The following DNAH9 variants were observed in gnomAD, a reference collection of about 807,000 sequenced individuals.
DNAH9 encodes DNAH9 variant protein.
In DNAH9, 345 loss-of-function variants were observed where a neutral mutation model predicts 471.6. The observed-to-expected ratio is 0.73, with a 90% CI of 0.67 to 0.80. DNAH9 has a LOEUF of 0.80. DNAH9 is among the 30% of genes least tolerant of loss of function. The pLI is 0.00. For missense variants in DNAH9, 5,407 were observed against 5,609.2 expected (o/e 0.96, Z 1.15); for synonymous variants, 2,093 against 2,123.6 (o/e 0.99, Z 0.40).
In DNAH9 at chr17:11,854,011, G is replaced by A; in HGVS notation, c.9516G>A (p.Leu3172=). ...TCCTTCTCTTTTCCCAGACCAACCT[G>A]ACAGAGCTGAAGTCATTTGGCTCTC... ...AALNTLNKTN[L]TELKSFGSPP... The change falls in exon 50 of 69, where the codon CTG becomes CTA. Residue 3172 remains leucine (L), a synonymous_variant. Coordinates refer to ENST00000262442, the MANE Select transcript of DNAH9 (RefSeq NM_001372.4). 1 of 1,613,428 alleles carries A rather than the reference G, an allele frequency of 6.2e-7. No individual in the cohort carries two copies. The highest frequency in any genetic ancestry group is 8.5e-7 in the Non-Finnish European group (1 of 1,179,538).
intron 28 of DNAH9, among the ~76,000 whole-genome samples, chr17:11,734,793 T>C (rs2075318887): frequency 6.6e-6 from 1 of 152,342 alleles, no homozygotes; most frequent in African/African-American, 2.4e-5. Flanking sequence ...AAAATTTCTA[T>C]GAGCACCGAT....
chr17:11,660,566 A>G (rs1597447184), intron 14 of DNAH9, among the ~76,000 whole-genome samples: 1 of 151,964 alleles, frequency 6.6e-6, no homozygotes, highest in African/African-American at 2.4e-5. Flanking sequence ...CAAATGATCC[A>G]CCTGCCTTGA....
chr17:11,675,762 T>G (rs1213035447), intron 17 of DNAH9, among the ~76,000 whole-genome samples: 1 of 152,222 alleles, frequency 6.6e-6, no homozygotes, highest in African/African-American at 2.4e-5. Context: ...TAAAACAACC[T>G]AGCATCTGAG....
chr17:11,688,986 C>G (rs977217061), intron 19 of DNAH9, among the ~76,000 whole-genome samples: 1 of 151,946 alleles, frequency 6.6e-6, no homozygotes, highest in African/African-American at 2.4e-5. Flanking sequence ...TTCCCAGCTA[C>G]TTGGGAGGCT....
At chr17:11,798,433 A>G (rs1969331512) in intron 43 of DNAH9, among the ~76,000 whole-genome samples, 1 of 32,432 alleles carries the variant, frequency 3.1e-5, no homozygotes, top group Non-Finnish European at 7.3e-5. Flanking sequence ...ACTCTGCCTC[A>G]AAAAAAAAAA....
intron 45 of DNAH9, among the ~76,000 whole-genome samples, chr17:11,810,606 G>T (rs2150927891): frequency 6.6e-6 from 1 of 152,256 alleles, no homozygotes; most frequent in South Asian, 2.1e-4. Context: ...AGCTCTCTTA[G>T]TGGGACTAGA....
chr17:11,826,652 CG>C (rs2150946037), intron 48 of DNAH9, among the ~76,000 whole-genome samples: 1 of 148,890 alleles, frequency 6.7e-6, no homozygotes, highest in African/African-American at 2.5e-5. Flanking sequence ...TTAATGGAGA[CG>C]GGGTTTCACC....
At chr17:11,700,292 C>T (rs1310471192) in intron 23 of DNAH9, among the ~76,000 whole-genome samples, 1 of 152,138 alleles carries the variant, frequency 6.6e-6, no homozygotes, top group African/African-American at 2.4e-5. Context: ...TTTTGTGGAA[C>T]CAGCTGCTTT....
At chr17:11,774,658 T>A (rs755334849) in intron 38 of DNAH9, among the ~76,000 whole-genome samples, 3 of 152,166 alleles carry the variant, frequency 2.0e-5, no homozygotes, top group Non-Finnish European at 4.4e-5. Flanking sequence ...TTATGGGAGC[T>A]ACAATTCAAG....
At position 11,808,916 on chromosome 17, in the gene DNAH9, A is replaced by C. The variant is rs537418454; in HGVS notation, c.8583+1022A>C. On this transcript the variant is annotated intron_variant, in intron 44 of 68. Transcript: ENST00000262442. ...CTTAGATCACTTAGAGGATGCGATG[A>C]GAACCATTGATCTAAAACAAAAATC... Among the ~76,000 whole-genome samples, 6 of 152,322 alleles carry C rather than the reference A, an allele frequency of 3.9e-5. No individual in the cohort carries two copies. The South Asian group carries it at 1.2e-3, about 32-fold the overall frequency.
chr17:11,793,795 T>A, intron 42 of DNAH9, 131 bp downstream of exon 42: 1 of 786,588 alleles, frequency 1.3e-6, no homozygotes, highest in Non-Finnish European at 1.9e-6. Flanking sequence ...GGAAATTCTG[T>A]CATAATTTTG....
chr17:11,954,846 A>C (rs2096759990), intron 67 of DNAH9, among the ~76,000 whole-genome samples: 1 of 152,110 alleles, frequency 6.6e-6, no homozygotes, highest in Non-Finnish European at 1.5e-5. Flanking sequence ...TTTGGATCTA[A>C]ACAAAGAAAT....
In DNAH9 at chr17:11,697,959, ATTGAT is replaced by A. The variant is rs567282042; in HGVS notation, c.4873-1768_4873-1764del. Among the ~76,000 whole-genome samples, 350 of 150,884 alleles carry A rather than the reference ATTGAT, an allele frequency of 2.3e-3. 2 individuals carry two copies. Among genetic ancestry groups the A allele is most frequent in the Middle Eastern group, 6.9e-3 (2 of 288 alleles). On this transcript the variant is annotated intron_variant, in intron 22 of 68. Transcript: ENST00000262442. ...AGAAAAACAAGGTGATGGTTCACAAATTGATTTGTTTCCATTATTAAAGGTTTAAA... is the reference window on the plus strand; with the variant it reads ...AGAAAAACAAGGTGATGGTTCACAAATTGTTTCCATTATTAAAGGTTTAAA...
Position 11,742,182 on chromosome 17 carries a change from G to A in DNAH9, c.5980G>A (p.Ala1994Thr). The stretch of plus-strand genomic sequence containing the variant: ...CTGTCTTTCTATACTCAGGCCTTGT[G>A]CAATGGTGGTTCCAGACTTTGAATT... ...ENLKSLFRPC[A>T]MVVPDFELIC... Residue 1994 changes from alanine to threonine, a missense_variant, in exon 30 of 69, where the codon GCA becomes ACA. Coordinates refer to ENST00000262442, the MANE Select transcript of DNAH9 (RefSeq NM_001372.4). The A allele has an allele frequency of 6.2e-7, 1 of 1,614,078 alleles. No individual in the cohort carries two copies. Among genetic ancestry groups the A allele is most frequent in the Non-Finnish European group, 8.5e-7 (1 of 1,179,964 alleles).
chr17:11,780,910 T>C (rs1968642988), intron 38 of DNAH9, 99 bp from the exon 39 acceptor site: 1 of 1,308,360 alleles, frequency 7.6e-7, no homozygotes, highest in African/African-American at 1.5e-5. Flanking sequence ...TTTGCACACA[T>C]GAAGGCAGCA....
chr17:11,631,689 G>A (rs947852004), intron 7 of DNAH9, among the ~76,000 whole-genome samples: 8 of 150,754 alleles, frequency 5.3e-5, no homozygotes, highest in Admixed American at 2.6e-4. Context: ...CAATGTATTT[G>A]CTACCCTACA....
At chr17:11,923,564 GC>G (rs371339819) in intron 61 of DNAH9, among the ~76,000 whole-genome samples, 34 of 152,184 alleles carry the variant, frequency 2.2e-4, no homozygotes, top group African/African-American at 8.2e-4. Context: ...GCTCGCCTCG[GC>G]CTCCCAAAGT....
chr17:11,873,947 T>TAA (rs533223053), intron 52 of DNAH9, among the ~76,000 whole-genome samples: 8 of 152,014 alleles, frequency 5.3e-5, no homozygotes, highest in South Asian at 2.1e-4. Flanking sequence ...AGATTGCCTG[T>TAA]AAAAAAAATT....
intron 62 of DNAH9, chr17:11,925,174 C>G (rs1051625597): frequency 2.2e-6 from 1 of 455,430 alleles, no homozygotes; most frequent in Admixed American, 2.4e-5. Flanking sequence ...AGAGATGTTC[C>G]TTCTTTACCT....
Sources: gnomAD v4.1 joint callset for allele counts (sites outside exome capture counted in the v4.1 genomes callset) on GRCh38, gnomAD v4.1.1 for gene constraint, MANE v1.5 for transcripts, NCBI Gene and HGNC (gene_info 2026-07-23, HGNC 2026-07-21) for gene names.